The following METTL9 variants were observed in gnomAD, a reference collection of about 807,000 sequenced individuals.
The protein encoded by METTL9 is protein-L-histidine N-pros-methyltransferase.
A neutral mutation model predicts 36.0 loss-of-function variants in METTL9; 10 were observed. The ratio of observed to expected loss-of-function variants is 0.28; its 90% CI spans 0.17 to 0.47. The LOEUF (loss-of-function observed/expected upper bound fraction) is 0.47. Ranked by LOEUF, METTL9 falls within the 20% of genes least tolerant of loss-of-function variation. The pLI, the probability that METTL9 is intolerant of heterozygous loss-of-function variation, is 0.99. For synonymous variants in METTL9, 175 were observed against 149.7 expected (o/e 1.17, Z -1.23); for missense variants, 246 against 383.5 (o/e 0.64, Z 3.00).
chr16:21,602,687 T>G (rs1375002336), intron 1 of METTL9, among the ~76,000 whole-genome samples: 2 of 151,590 alleles, frequency 1.3e-5, no homozygotes, highest in Non-Finnish European at 2.9e-5. Context: ...AGATGGAGTC[T>G]CGCTTCGTCA....
At chr16:21,643,945 A>AGGGGTG (rs1966348404) in intron 4 of METTL9, among the ~76,000 whole-genome samples, 1 of 152,154 alleles carries the variant, frequency 6.6e-6, no homozygotes, top group Non-Finnish European at 1.5e-5. Flanking sequence ...GACTGTTCTT[A>AGGGGTG]AGGCTTTCGT....
At position 21,624,916 on chromosome 16, in the gene METTL9, T is replaced by G. The variant is rs1415558136; in HGVS notation, c.567-15T>G. The G allele has an allele frequency of 1.2e-6, 2 of 1,610,852 alleles. No individual in the cohort carries two copies. Among genetic ancestry groups the G allele is most frequent in the South Asian group, 2.2e-5 (2 of 91,026 alleles). On this transcript the variant is annotated splice_polypyrimidine_tract_variant and intron_variant, in intron 3 of 4. Transcript: ENST00000358154. ...AGGGACTTTATGTTAATACAGTTAT[T>G]TCTGATTTTTCTAGAGTCCTTGGTA...
At chr16:21,639,814 A>T (rs1966200221) in intron 4 of METTL9, 1 of 152,216 alleles carries the variant, frequency 6.6e-6, no homozygotes, top group Admixed American at 6.5e-5. Context: ...GATATCACTG[A>T]TTTAAACCAT....
At chr16:21,611,786 T>C (rs1003402387) in intron 1 of METTL9, among the ~76,000 whole-genome samples, 1 of 152,196 alleles carries the variant, frequency 6.6e-6, no homozygotes, top group Non-Finnish European at 1.5e-5. Context: ...ATTGTGGGGC[T>C]GACGCTAAAG....
intron 2 of METTL9, among the ~76,000 whole-genome samples, chr16:21,617,432 GA>G (rs71151645): frequency 1.4e-5 from 2 of 142,670 alleles, no homozygotes; most frequent in East Asian, 2.2e-4. Context: ...AAAAAAAAAA[GA>G]AAAAAAAAAT....
At chr16:21,605,751 A>G (rs999398091) in intron 1 of METTL9, among the ~76,000 whole-genome samples, 1 of 152,096 alleles carries the variant, frequency 6.6e-6, no homozygotes, top group African/African-American at 2.4e-5. Flanking sequence ...AGATTCTTAC[A>G]TGTATTGTCA....
chr16:21,641,466 T>A, intron 4 of METTL9: 1 of 841,950 alleles, frequency 1.2e-6, no homozygotes, highest in Non-Finnish European at 1.9e-6. Flanking sequence ...TGATGATATA[T>A]GTTCATTAAC....
chr16:21,644,348 A>G (rs752918572), intron 4 of METTL9: 4 of 1,614,084 alleles, frequency 2.5e-6, no homozygotes, highest in African/African-American at 1.3e-5. Context: ...GAGCAGTGAT[A>G]CAAGAGCTGT....
At chr16:21,601,166 G>T (rs1280419964) in intron 1 of METTL9, among the ~76,000 whole-genome samples, 1 of 152,092 alleles carries the variant, frequency 6.6e-6, no homozygotes, top group Non-Finnish European at 1.5e-5. Context: ...CAGTATCATT[G>T]ATCACTTGTA....
intron 4 of METTL9, among the ~76,000 whole-genome samples, chr16:21,636,734 C>T (rs1399129776): frequency 6.6e-6 from 1 of 152,188 alleles, no homozygotes; most frequent in Non-Finnish European, 1.5e-5. Context: ...GGGTTGTTAG[C>T]CCTTTCCCAG....
At chr16:21,625,249 C>A in intron 4 of METTL9, 134 bp downstream of exon 4, 3 of 936,888 alleles carry the variant, frequency 3.2e-6, no homozygotes, top group Non-Finnish European at 4.9e-6. Flanking sequence ...TCCAGTTAAT[C>A]CATGTAAAAC....
intron 4 of METTL9, 187 bp from the exon 5 acceptor site, chr16:21,655,040 C>T (rs998182367): frequency 4.9e-6 from 3 of 606,210 alleles, no homozygotes; most frequent in Non-Finnish European, 8.8e-6. Context: ...GTTCTTCACC[C>T]CTTCTGAGTC....
chr16:21,623,123 A>C (rs1274380019), intron 3 of METTL9, among the ~76,000 whole-genome samples: 1 of 152,218 alleles, frequency 6.6e-6, no homozygotes, highest in African/African-American at 2.4e-5. Flanking sequence ...TTGCTATTAC[A>C]GTTGACTTAG....
intron 1 of METTL9, among the ~76,000 whole-genome samples, chr16:21,606,543 G>A (rs1318256414): frequency 6.6e-6 from 1 of 152,084 alleles, no homozygotes; most frequent in African/African-American, 2.4e-5. Context: ...GTTTAGGGGT[G>A]TCATTACATA....
intron 4 of METTL9, among the ~76,000 whole-genome samples, chr16:21,638,319 A>G (rs1260077016): frequency 6.6e-6 from 1 of 151,968 alleles, no homozygotes; most frequent in Non-Finnish European, 1.5e-5. Context: ...ACTCCATCTC[A>G]AGAAGAAAGA....
At chr16:21,597,919 A>T (rs960047536), upstream of METTL9, 1 of 152,452 alleles carries the variant, frequency 6.6e-6, no homozygotes, top group Admixed American at 6.5e-5. Flanking sequence ...GTCAGGGAGT[A>T]TATTGGAAAG....
intron 4 of METTL9, among the ~76,000 whole-genome samples, chr16:21,643,802 A>G (rs1159674242): frequency 6.6e-6 from 1 of 152,008 alleles, no homozygotes; most frequent in African/African-American, 2.4e-5. Flanking sequence ...ATTTATAGTA[A>G]TCCTAACACA....
At chr16:21,647,290 G>T in intron 4 of METTL9, 1 of 1,614,162 alleles carries the variant, frequency 6.2e-7, no homozygotes. Context: ...CCCTCACTGT[G>T]AACTTGTCTG....
At chr16:21,632,218 A>G (rs1259102609) in intron 4 of METTL9, among the ~76,000 whole-genome samples, 1 of 152,182 alleles carries the variant, frequency 6.6e-6, no homozygotes, top group African/African-American at 2.4e-5. Flanking sequence ...CTTTCTTTCC[A>G]TATTGCAGCA....
Sources: allele counts gnomAD v4.1 joint callset (sites outside exome capture counted in the v4.1 genomes callset), GRCh38; gene constraint gnomAD v4.1.1; transcripts MANE v1.5; gene names NCBI Gene and HGNC (gene_info 2026-07-23, HGNC 2026-07-21).